CLVS1: variants seen among roughly 807,000 people sequenced by gnomAD.
The protein encoded by CLVS1 is clavesin-1.
A neutral mutation model predicts 33.1 loss-of-function variants in CLVS1; 10 were observed. The observed-to-expected ratio is 0.30, with a 90% CI of 0.19 to 0.51. The LOEUF (loss-of-function observed/expected upper bound fraction) is 0.51. Among genes scored for constraint, CLVS1 ranks in the 20% least tolerant of loss-of-function variants. The probability of loss-of-function intolerance (pLI) is 0.97; values close to 1 mark genes in which losing one functional copy is unlikely to be tolerated. For synonymous variants in CLVS1, 163 were observed against 166.1 expected (o/e 0.98, Z 0.14); for missense variants, 343 against 433.4 (o/e 0.79, Z 1.85).
At chr8:61,446,175 T>C (rs1286253779) in intron 3 of CLVS1, among the ~76,000 whole-genome samples, 1 of 152,182 alleles carries the variant, frequency 6.6e-6, no homozygotes, top group Non-Finnish European at 1.5e-5. Context: ...CTTACCTTTA[T>C]TATTTTCTTT....
chr8:60,983,517 A>G, the CLVS1 span, among the ~76,000 whole-genome samples: 109 of 152,166 alleles, frequency 7.2e-4, no homozygotes, highest in Non-Finnish European at 1.4e-3. Flanking sequence ...GAGGTTTTCA[A>G]TGATCATCTG....
chr8:61,086,387 C>CAGTG, intron 1 of CLVS1, among the ~76,000 whole-genome samples: 1 of 152,134 alleles, frequency 6.6e-6, no homozygotes, highest in Non-Finnish European at 1.5e-5. Context: ...ACAGGACACC[C>CAGTG]AGTGACATCT....
intron 2 of CLVS1, among the ~76,000 whole-genome samples, chr8:61,238,359 T>C (rs1808614129): frequency 6.6e-6 from 1 of 151,768 alleles, no homozygotes; most frequent in Non-Finnish European, 1.5e-5. Context: ...CCTCCACTGT[T>C]CTCCTTTCTT....
chr8:61,433,350 C>CG (rs371937270), intron 3 of CLVS1, among the ~76,000 whole-genome samples: 55 of 152,214 alleles, frequency 3.6e-4, no homozygotes, highest in African/African-American at 9.9e-4. Context: ...TACATTGTCT[C>CG]GGGCTCTCAG....
chr8:61,229,545 C>T (rs1315203936), intron 2 of CLVS1, among the ~76,000 whole-genome samples: 1 of 152,210 alleles, frequency 6.6e-6, no homozygotes, highest in Non-Finnish European at 1.5e-5. Flanking sequence ...CACTGCACCA[C>T]ATTGGCAGAG....
the CLVS1 span, among the ~76,000 whole-genome samples, chr8:61,032,167 A>C: frequency 6.6e-6 from 1 of 151,936 alleles, no homozygotes; most frequent in Non-Finnish European, 1.5e-5. Context: ...ACCAAACTCT[A>C]CTCTTGGAAA....
the CLVS1 span, among the ~76,000 whole-genome samples, chr8:60,988,418 C>T: frequency 2.0e-5 from 3 of 152,154 alleles, no homozygotes; most frequent in South Asian, 2.1e-4. Context: ...AAGCTGCTCC[C>T]GTGGGCCCGG....
intron 2 of CLVS1, among the ~76,000 whole-genome samples, chr8:61,261,218 T>A (rs960694817): frequency 2.0e-5 from 3 of 152,164 alleles, no homozygotes; most frequent in Admixed American, 6.5e-5. Context: ...ACCAGCCCCA[T>A]CCCTTTACCT....
intron 2 of CLVS1, among the ~76,000 whole-genome samples, chr8:61,235,479 T>C (rs1157868180): frequency 6.6e-6 from 1 of 152,154 alleles, no homozygotes; most frequent in Non-Finnish European, 1.5e-5. Flanking sequence ...AGAGGTCACA[T>C]TTTGTAGAAT....
chr8:60,991,531 T>C, the CLVS1 span, among the ~76,000 whole-genome samples: 5 of 152,326 alleles, frequency 3.3e-5, no homozygotes, highest in South Asian at 1.0e-3. Context: ...CCTTGGTATA[T>C]AATCAGAAGT....
chr8:61,120,759 A>G (rs10091456), intron 1 of CLVS1, among the ~76,000 whole-genome samples: 16,124 of 133,586 alleles, frequency 0.12, 1,121 homozygotes, highest in African/African-American at 0.16. Context: ...TGCTGGGAGA[A>G]CCACTGCTCT....
chr8:61,357,471 TCTTTTTCTTTC>T (rs1812767908), intron 2 of CLVS1, among the ~76,000 whole-genome samples: 2 of 149,860 alleles, frequency 1.3e-5, no homozygotes, highest in Admixed American at 6.7e-5. Flanking sequence ...TTTTTTTCCT[TCTTTTTCTTTC>T]CTTTTTCTTT....
At chr8:60,965,895 T>G in the CLVS1 span, 1 of 156,794 alleles carries the variant, frequency 6.4e-6, no homozygotes, top group Non-Finnish European at 1.4e-5. Context: ...CACTGCAACC[T>G]CTGCCTCCCA....
chr8:61,296,715 T>C (rs1810224801), intron 1 of CLVS1, among the ~76,000 whole-genome samples: 1 of 152,196 alleles, frequency 6.6e-6, no homozygotes, highest in Admixed American at 6.5e-5. Flanking sequence ...ATTCAAACAT[T>C]TTGACTACTT....
At chr8:61,407,461 A>T (rs1815036870) in intron 3 of CLVS1, among the ~76,000 whole-genome samples, 1 of 152,254 alleles carries the variant, frequency 6.6e-6, no homozygotes, top group African/African-American at 2.4e-5. Context: ...CACATCAATA[A>T]ACTCTAGTTT....
At chr8:61,351,411 C>T (rs1217155414) in intron 2 of CLVS1, among the ~76,000 whole-genome samples, 2 of 151,826 alleles carry the variant, frequency 1.3e-5, no homozygotes, top group African/African-American at 4.8e-5. Flanking sequence ...AGAAAATATA[C>T]TGGAAAAGTA....
intron 3 of CLVS1, among the ~76,000 whole-genome samples, chr8:61,380,551 T>G (rs1419800055): frequency 1.3e-5 from 2 of 152,198 alleles, no homozygotes; most frequent in Non-Finnish European, 2.9e-5. Flanking sequence ...TCAAAAAATC[T>G]TAGTCAAAAT....
chr8:61,146,883 G>A (rs1257055335), intron 2 of CLVS1, among the ~76,000 whole-genome samples: 2 of 152,228 alleles, frequency 1.3e-5, no homozygotes, highest in African/African-American at 4.8e-5. Flanking sequence ...ATGGTGTGAT[G>A]TGAATTCATA....
rs1456619889 is a variant in CLVS1 at position 61,499,873 on chromosome 8, G to GAAT, written c.*332_*334dup. 1 of 190,204 alleles carries GAAT rather than the reference G, an allele frequency of 5.3e-6. No individual in the cohort carries two copies. Among genetic ancestry groups the GAAT allele is most frequent in the African/African-American group, 2.3e-5 (1 of 43,488 alleles). The allele number at this position is 190,204 out of a possible 1,614,324, so 11.8% of individuals were successfully genotyped here. On this transcript the variant is annotated 3_prime_UTR_variant, in exon 6 of 6. Transcript: ENST00000325897. ...TGATGGACACACTGCATTAGGACAA[G>GAAT]AATTTTTCTGAGGTATCACACAGGG...
Sources: gnomAD v4.1 joint callset for allele counts (sites outside exome capture counted in the v4.1 genomes callset) on GRCh38, gnomAD v4.1.1 for gene constraint, MANE v1.5 for transcripts, NCBI Gene and HGNC (gene_info 2026-07-23, HGNC 2026-07-21) for gene names.